Variants in STAU2 observed in about 807,000 individuals in gnomAD.
The protein encoded by STAU2 is double-stranded RNA-binding protein Staufen homolog 2.
A neutral mutation model predicts 65.9 loss-of-function variants in STAU2; 20 were observed. The ratio of observed to expected loss-of-function variants is 0.30; its 90% CI spans 0.21 to 0.44. STAU2 has a LOEUF of 0.44. Ranked by LOEUF, STAU2 falls within the 20% of genes least tolerant of loss-of-function variation. The pLI, the probability that STAU2 is intolerant of heterozygous loss-of-function variation, is 1.00. For missense variants in STAU2, 558 were observed against 683.9 expected, an observed-to-expected ratio of 0.82 and a Z score of 2.05; for synonymous variants, 232 against 233.9, an observed-to-expected ratio of 0.99 and a Z score of 0.07.
intron 13 of STAU2, chr8:73,440,067 G>A (rs1563592906): frequency 2.0e-5 from 3 of 152,206 alleles, no homozygotes; most frequent in African/African-American, 4.8e-5. Context: ...TTCTTAATAT[G>A]GGAAGACCAG....
chr8:73,555,082 G>A (rs1432963065), intron 12 of STAU2, among the ~76,000 whole-genome samples: 4 of 152,192 alleles, frequency 2.6e-5, no homozygotes, highest in South Asian at 2.1e-4. Context: ...GGAGAGGAAC[G>A]AAAATGGATA....
At chr8:73,476,350 A>G (rs1039688206) in intron 13 of STAU2, among the ~76,000 whole-genome samples, 1 of 152,168 alleles carries the variant, frequency 6.6e-6, no homozygotes, top group African/African-American at 2.4e-5. Flanking sequence ...GCTGTGGGTC[A>G]TTTCTATTTG....
chr8:73,688,644 A>ACTGC lies in STAU2; in HGVS notation c.274+6_274+9dup, dbSNP rs1563508247. 8 of 1,614,016 alleles carry ACTGC rather than the reference A, an allele frequency of 5.0e-6. No individual in the cohort carries two copies. Among genetic ancestry groups the ACTGC allele is most frequent in the Middle Eastern group, 1.6e-4 (1 of 6,062 alleles). On this transcript the variant is annotated intron_variant, in intron 5 of 14. Transcript: ENST00000524300. ...AGCAGACAACATAACAGAAGGAGTC[A>ACTGC]CTGCCATACCTGGGTTATTGTTAAC...
intron 6 of STAU2, among the ~76,000 whole-genome samples, chr8:73,659,881 A>G (rs902726953): frequency 2.6e-5 from 4 of 152,216 alleles, no homozygotes; most frequent in African/African-American, 4.8e-5. Context: ...AGTCATGGCT[A>G]TATTTTCCTA....
chr8:73,456,409 TATCA>T (rs1819072847), intron 13 of STAU2, among the ~76,000 whole-genome samples: 1 of 152,228 alleles, frequency 6.6e-6, no homozygotes, highest in East Asian at 1.9e-4. Context: ...TGCCCAGAGT[TATCA>T]ATCATTCATT....
chr8:73,592,495 A>G (rs1166623945), intron 11 of STAU2, among the ~76,000 whole-genome samples: 2 of 152,098 alleles, frequency 1.3e-5, no homozygotes, highest in Non-Finnish European at 2.9e-5. Context: ...CTGAGTTTGT[A>G]GTTAAAAAAC....
chr8:73,553,047 C>T (rs1807450115), intron 12 of STAU2, among the ~76,000 whole-genome samples: 1 of 152,146 alleles, frequency 6.6e-6, no homozygotes, highest in Non-Finnish European at 1.5e-5. Flanking sequence ...TTAATTCAAG[C>T]CAGGCCATGG....
chr8:73,609,379 C>T (rs1812273824), intron 9 of STAU2, among the ~76,000 whole-genome samples: 1 of 151,900 alleles, frequency 6.6e-6, no homozygotes, highest in African/African-American at 2.4e-5. Flanking sequence ...AAGGGCCGGG[C>T]GCGGTGGCTC....
intron 13 of STAU2, among the ~76,000 whole-genome samples, chr8:73,516,741 T>C (rs1822749172): frequency 6.6e-6 from 1 of 152,130 alleles, no homozygotes; most frequent in Admixed American, 6.5e-5. Flanking sequence ...CGCAACACCA[T>C]AATTTAAGTT....
intron 11 of STAU2, among the ~76,000 whole-genome samples, chr8:73,588,509 G>A (rs1810538136): frequency 6.6e-6 from 1 of 152,174 alleles, no homozygotes; most frequent in Admixed American, 6.5e-5. Flanking sequence ...GTTAATGGCT[G>A]CACTGAGGGA....
chr8:73,622,660 G>T (rs994426821), intron 6 of STAU2, among the ~76,000 whole-genome samples: 15 of 152,126 alleles, frequency 9.9e-5, no homozygotes, highest in Non-Finnish European at 2.1e-4. Context: ...TTCATGGAAG[G>T]CCAGAGAACC....
intron 3 of STAU2, among the ~76,000 whole-genome samples, chr8:73,713,679 G>T (rs112115525): frequency 2.0e-5 from 3 of 152,034 alleles, no homozygotes; most frequent in Admixed American, 6.6e-5. Flanking sequence ...AAAACTGGCA[G>T]AATACAGAAC....
At chr8:73,488,321 A>C (rs1444804746) in intron 13 of STAU2, among the ~76,000 whole-genome samples, 2 of 152,068 alleles carry the variant, frequency 1.3e-5, no homozygotes, top group Non-Finnish European at 2.9e-5. Flanking sequence ...TTCAAATATA[A>C]AAATGGGTTC....
intron 1 of STAU2, among the ~76,000 whole-genome samples, chr8:73,746,315 C>A (rs1018792038): frequency 8.6e-5 from 13 of 151,858 alleles, no homozygotes; most frequent in African/African-American, 2.9e-4. Context: ...CCTCCCCTGC[C>A]CTACTCTAGG....
intron 9 of STAU2, among the ~76,000 whole-genome samples, chr8:73,611,236 C>G (rs1483230033): frequency 6.6e-6 from 1 of 152,108 alleles, no homozygotes; most frequent in Non-Finnish European, 1.5e-5. Context: ...TATCTAGATT[C>G]CAACTCATTA....
Position 73,438,864 on chromosome 8 carries a change from G to A in STAU2, c.1531-16162C>T, listed in dbSNP as rs1034961291. On this transcript the variant is annotated intron_variant, in intron 13 of 14. Transcript: ENST00000524300. ...TGAGAAGGGCTATCAGAGAGGTGGC[G>A]TTCAGAACTACCTAATGTGTGGGGA... 29 of 439,568 alleles carry A rather than the reference G, an allele frequency of 6.6e-5. 1 individual carries two copies. Among genetic ancestry groups the A allele is most frequent in the Non-Finnish European group, 1.0e-4 (23 of 219,590 alleles). 27.2% of individuals were successfully genotyped at this position (439,568 alleles called of 1,614,324 possible).
intron 5 of STAU2, among the ~76,000 whole-genome samples, chr8:73,674,382 GA>G (rs923350767): frequency 6.7e-6 from 1 of 150,026 alleles, no homozygotes; most frequent in African/African-American, 2.4e-5. Flanking sequence ...ATCCTAAAGA[GA>G]AAAAAAAATC....
Position 73,501,654 on chromosome 8 carries a change from G to T in STAU2, c.1530+50358C>A, listed in dbSNP as rs150613248. ...ATGTTTTCCTGGGGAAAGAATCTTA[G>T]ATTTCTCTTTGCCTTTGTTCTCCCT... On this transcript the variant is annotated intron_variant, in intron 13 of 14. Transcript: ENST00000524300. 6.0e-3 allele frequency among the ~76,000 whole-genome samples: 910 copies of T among 151,984 alleles called. 9 individuals are homozygous for T. The highest frequency in any genetic ancestry group is 0.038 in the South Asian group (182 of 4,824).
At chr8:73,684,983 G>C (rs1818690248) in intron 5 of STAU2, among the ~76,000 whole-genome samples, 1 of 152,182 alleles carries the variant, frequency 6.6e-6, no homozygotes, top group South Asian at 2.1e-4. Flanking sequence ...TGTCAAGGGA[G>C]AGACAAAGTG....
Sources: gnomAD v4.1 joint callset for allele counts (sites outside exome capture counted in the v4.1 genomes callset) on GRCh38, gnomAD v4.1.1 for gene constraint, MANE v1.5 for transcripts, NCBI Gene and HGNC (gene_info 2026-07-23, HGNC 2026-07-21) for gene names.